The following DSCAML1 variants were observed in gnomAD, a reference collection of about 807,000 sequenced individuals.
The protein encoded by DSCAML1 is DS cell adhesion molecule like 1.
In DSCAML1, 38 loss-of-function variants were observed where a neutral mutation model predicts 200.5. That is an observed-to-expected ratio of 0.19 (90% CI 0.15 to 0.25). DSCAML1 has a LOEUF of 0.25. Ranked by LOEUF, DSCAML1 falls within the 10% of genes least tolerant of loss-of-function variation. DSCAML1 has a pLI of 1.00. For missense variants in DSCAML1, 2,223 were observed against 2,858.8 expected (o/e 0.78, Z 5.07); for synonymous variants, 1,215 against 1,165.0 (o/e 1.04, Z -0.87).
intron 11 of DSCAML1, among the ~76,000 whole-genome samples, chr11:117,490,090 C>T (rs569897231): frequency 6.6e-6 from 1 of 152,250 alleles, no homozygotes; most frequent in South Asian, 2.1e-4. Context: ...TGGGCAGGCA[C>T]CCCTCAAAGA....
intron 3 of DSCAML1, among the ~76,000 whole-genome samples, chr11:117,540,975 G>A (rs2050258578): frequency 6.6e-6 from 1 of 152,202 alleles, no homozygotes; most frequent in Non-Finnish European, 1.5e-5. Flanking sequence ...TTGAATAGAA[G>A]AAATAAACCA....
At chr11:117,694,078 T>TACAC (rs71301660) in intron 3 of DSCAML1, among the ~76,000 whole-genome samples, 2 of 38,722 alleles carry the variant, frequency 5.2e-5, no homozygotes, top group African/African-American at 1.0e-4. Context: ...TATATATATA[T>TACAC]ACACATATAT....
At chr11:117,555,196 C>T (rs2050539556) in intron 3 of DSCAML1, among the ~76,000 whole-genome samples, 1 of 152,238 alleles carries the variant, frequency 6.6e-6, no homozygotes, top group Non-Finnish European at 1.5e-5. Context: ...GGCCACCTCT[C>T]TCATACTATT....
chr11:117,704,586 G>A (rs944068339), intron 3 of DSCAML1, among the ~76,000 whole-genome samples: 4 of 152,130 alleles, frequency 2.6e-5, no homozygotes, highest in Non-Finnish European at 5.9e-5. Context: ...CAGGAGCTGC[G>A]GGGAGGAGGG....
At chr11:117,756,119 G>A (rs1372148576) in intron 3 of DSCAML1, among the ~76,000 whole-genome samples, 2 of 152,238 alleles carry the variant, frequency 1.3e-5, no homozygotes, top group East Asian at 3.8e-4. Flanking sequence ...AATTTAGGAA[G>A]TGGAAAAAAG....
chr11:117,814,419 A>AG (rs1217492160), intron 1 of DSCAML1, among the ~76,000 whole-genome samples: 1 of 152,234 alleles, frequency 6.6e-6, no homozygotes, highest in African/African-American at 2.4e-5. Flanking sequence ...CCAAGGAAGA[A>AG]GGGATCACGC....
chr11:117,767,367 C>G (rs1005077880), intron 3 of DSCAML1, among the ~76,000 whole-genome samples: 18 of 152,182 alleles, frequency 1.2e-4, no homozygotes, highest in African/African-American at 4.3e-4. Flanking sequence ...GAGAAAAGCA[C>G]TTATCACGGA....
chr11:117,696,144 A>G (rs2053584223), intron 3 of DSCAML1, among the ~76,000 whole-genome samples: 1 of 152,228 alleles, frequency 6.6e-6, no homozygotes, highest in Non-Finnish European at 1.5e-5. Flanking sequence ...CCAACTATGA[A>G]GGAAAATCCT....
intron 3 of DSCAML1, among the ~76,000 whole-genome samples, chr11:117,540,066 T>C (rs1164654846): frequency 6.6e-6 from 1 of 152,132 alleles, no homozygotes; most frequent in Non-Finnish European, 1.5e-5. Flanking sequence ...TTATAGGAAG[T>C]ATTGGAGTTG....
Position 117,433,048 on chromosome 11 carries a change from T to G in DSCAML1, c.5026+90A>C, listed in dbSNP as rs529979606. 37 of 1,139,582 alleles carry G rather than the reference T, an allele frequency of 3.2e-5. No homozygotes were observed. In the South Asian group the frequency reaches 3.7e-4, roughly 11 times the overall value. 70.6% of individuals were successfully genotyped at this position (1,139,582 alleles called of 1,614,324 possible). ...GGGCTACTGCCAGAACCCTGGGCAC[T>G]GCCATGAGGGTTGGTGTTTGACTTC... On this transcript the variant is annotated intron_variant, in intron 29 of 32. Coordinates refer to ENST00000651296, the MANE Select transcript of DSCAML1 (RefSeq NM_020693.4).
chr11:117,674,196 T>G (rs1240018749), intron 3 of DSCAML1, among the ~76,000 whole-genome samples: 2 of 152,228 alleles, frequency 1.3e-5, no homozygotes, highest in African/African-American at 4.8e-5. Flanking sequence ...TGTCCTATTT[T>G]CTCATGACCT....
At chr11:117,781,505 C>T (rs1565282080) in intron 1 of DSCAML1, among the ~76,000 whole-genome samples, 1 of 152,166 alleles carries the variant, frequency 6.6e-6, no homozygotes, top group Non-Finnish European at 1.5e-5. Flanking sequence ...GCTACAGGAG[C>T]TGGGATGCTC....
intron 3 of DSCAML1, among the ~76,000 whole-genome samples, chr11:117,763,841 C>T (rs1247982986): frequency 6.6e-6 from 1 of 152,082 alleles, no homozygotes; most frequent in African/African-American, 2.4e-5. Context: ...TGAGAGCTGG[C>T]AGATCTAGAA....
chr11:117,723,975 G>A (rs1353440812), intron 3 of DSCAML1, among the ~76,000 whole-genome samples: 2 of 152,228 alleles, frequency 1.3e-5, no homozygotes, highest in Admixed American at 6.5e-5. Flanking sequence ...AGAGAGGAAG[G>A]GAGCAAAAGA....
rs1011638114 is a variant in DSCAML1 at position 117,516,996 on chromosome 11, A to G, written c.1511-257T>C. On this transcript the variant is annotated intron_variant, in intron 7 of 32. Coordinates refer to ENST00000651296, the MANE Select transcript of DSCAML1 (RefSeq NM_020693.4). This position sits in a 1 kb window ranked among gnomAD's most constrained non-coding sequence, Gnocchi z 5.7. ...AGTTGCAAACGGACGCAGTATATAC[A>G]TGCCTTGGCCAAGAGCCATTCCCCT... is the stretch of plus-strand genomic sequence containing the variant. 6.6e-6 allele frequency among the ~76,000 whole-genome samples: 1 copy of G among 152,198 alleles called. No homozygotes were observed. Among genetic ancestry groups the G allele is most frequent in the Non-Finnish European group, 1.5e-5 (1 of 68,044 alleles).
intron 20 of DSCAML1, among the ~76,000 whole-genome samples, chr11:117,450,332 T>C (rs1233900057): frequency 1.3e-5 from 2 of 152,230 alleles, no homozygotes; most frequent in Non-Finnish European, 2.9e-5. Context: ...CCAGTGTTTG[T>C]GACAATCTTG....
At chr11:117,777,910 C>T (rs1378567450) in intron 2 of DSCAML1, among the ~76,000 whole-genome samples, 1 of 152,184 alleles carries the variant, frequency 6.6e-6, no homozygotes, top group Admixed American at 6.5e-5. Flanking sequence ...CCTTATCTGC[C>T]AAGCAAAGCT....
At chr11:117,671,489 C>T (rs888387987) in intron 3 of DSCAML1, among the ~76,000 whole-genome samples, 19 of 152,186 alleles carry the variant, frequency 1.2e-4, no homozygotes, top group African/African-American at 4.6e-4. Context: ...TTTACCAAGA[C>T]CCCAATGCCT....
intron 1 of DSCAML1, among the ~76,000 whole-genome samples, chr11:117,811,642 C>A (rs927000176): frequency 1.3e-5 from 2 of 152,218 alleles, no homozygotes; most frequent in Non-Finnish European, 1.5e-5. Flanking sequence ...CGGGACCCCA[C>A]TGGAAATCGG....
Sources: gnomAD v4.1 joint callset for allele counts (sites outside exome capture counted in the v4.1 genomes callset) on GRCh38, gnomAD v4.1.1 for gene constraint, Gnocchi (gnomAD v3.1) non-coding constraint, MANE v1.5 for transcripts, NCBI Gene and HGNC (gene_info 2026-07-23, HGNC 2026-07-21) for gene names.